The following EYS variants were observed in gnomAD, a reference collection of about 807,000 sequenced individuals.
The protein encoded by EYS is EGF-like photoreceptor maintenance factor.
Under a neutral mutation model 282.1 loss-of-function variants are expected in EYS, and 250 were observed. That is an observed-to-expected ratio of 0.89 (90% confidence interval 0.80 to 0.98). EYS has a LOEUF of 0.98. Ranked by LOEUF, EYS falls within the 50% of genes least tolerant of loss-of-function variation. The pLI, the probability that EYS is intolerant of heterozygous loss-of-function variation, is 0.00. For synonymous variants in EYS, 1,355 were observed against 1,282.9 expected (o/e 1.06, Z -1.20); for missense variants, 4,016 against 3,709.0 (o/e 1.08, Z -2.15).
intron 29 of EYS, among the ~76,000 whole-genome samples, chr6:64,375,329 T>C (rs187755062): frequency 2.1e-4 from 32 of 152,330 alleles, no homozygotes; most frequent in African/African-American, 7.7e-4. Flanking sequence ...TATATCGCAA[T>C]GCTGATTTGC....
At chr6:64,784,008 G>A (rs1286796048) in intron 22 of EYS, among the ~76,000 whole-genome samples, 1 of 152,036 alleles carries the variant, frequency 6.6e-6, no homozygotes, top group African/African-American at 2.4e-5. Context: ...GTATGTTCAT[G>A]ACCTTACAGA....
intron 41 of EYS, among the ~76,000 whole-genome samples, chr6:63,731,195 T>TTA (rs1768772672): frequency 6.6e-6 from 1 of 152,142 alleles, no homozygotes; most frequent in South Asian, 2.1e-4. Flanking sequence ...CAGAATATCC[T>TTA]TATATATATC....
chr6:64,726,531 T>C (rs1274144496), intron 22 of EYS, among the ~76,000 whole-genome samples: 1 of 152,180 alleles, frequency 6.6e-6, no homozygotes, highest in Non-Finnish European at 1.5e-5. Flanking sequence ...TCTGTCATGG[T>C]ATATTTCTAC....
At position 65,495,270 on chromosome 6, in the gene EYS, T is replaced by A. The variant is rs267601099; in HGVS notation, c.141A>T (p.Glu47Asp). The A allele has an allele frequency of 1.2e-6, 2 of 1,614,142 alleles. No homozygotes were observed. The highest frequency in any genetic ancestry group is 4.5e-5 in the East Asian group (2 of 44,866). ...SSYVVNWTLT[E>D]NICLDFYRDC... ...CTCTGTAGAAGTCCAAGCAGATGTT[T>A]TCTGTTAGTGTCCAATTTACCACAT... is the stretch of plus-strand genomic sequence containing the variant. Residue 47 changes from glutamate (E) to aspartate (D), a missense_variant, in exon 4 of 43, where the codon GAA becomes GAT. Glu to Asp is a conservative substitution (Grantham distance 45). Coordinates refer to ENST00000503581, the MANE Select transcript of EYS (RefSeq NM_001142800.2).
chr6:63,997,867 A>G (rs1767904993), intron 34 of EYS, among the ~76,000 whole-genome samples: 1 of 152,222 alleles, frequency 6.6e-6, no homozygotes, highest in Non-Finnish European at 1.5e-5. Context: ...TTCAATATAA[A>G]AAATGGGCAA....
At chr6:65,336,665 GAT>G (rs1770000764) in intron 10 of EYS, among the ~76,000 whole-genome samples, 1 of 151,490 alleles carries the variant, frequency 6.6e-6, no homozygotes, top group African/African-American at 2.4e-5. Flanking sequence ...CCTTTGAACT[GAT>G]AGTAAAGCTT....
At chr6:64,664,035 C>G (rs1479788273) in intron 22 of EYS, among the ~76,000 whole-genome samples, 5 of 152,296 alleles carry the variant, frequency 3.3e-5, no homozygotes, top group Admixed American at 2.0e-4. Flanking sequence ...ACACCCTGCC[C>G]GATCTGGAGG....
intron 19 of EYS, among the ~76,000 whole-genome samples, chr6:64,873,987 T>A (rs1245316292): frequency 6.6e-6 from 1 of 152,030 alleles, no homozygotes; most frequent in Non-Finnish European, 1.5e-5. Flanking sequence ...TTTTCCCCAT[T>A]AAAAGCCACA....
intron 5 of EYS, among the ~76,000 whole-genome samples, chr6:65,456,860 G>T (rs905759673): frequency 2.0e-5 from 3 of 152,164 alleles, no homozygotes; most frequent in Admixed American, 6.5e-5. Flanking sequence ...TAGAAAGGAG[G>T]AAGTCAAACT....
At chr6:65,317,504 T>C (rs1413111593) in intron 11 of EYS, among the ~76,000 whole-genome samples, 1 of 152,238 alleles carries the variant, frequency 6.6e-6, no homozygotes, top group African/African-American at 2.4e-5. Context: ...ATGTCTTTGA[T>C]TCTGTTATCT....
At chr6:64,397,488 A>T (rs1279783068) in intron 28 of EYS, among the ~76,000 whole-genome samples, 1 of 151,998 alleles carries the variant, frequency 6.6e-6, no homozygotes, top group Non-Finnish European at 1.5e-5. Flanking sequence ...GTTGATATAA[A>T]TTATCTATGA....
intron 12 of EYS, among the ~76,000 whole-genome samples, chr6:65,182,870 C>G (rs183686290): frequency 2.6e-5 from 4 of 151,908 alleles, no homozygotes; most frequent in African/African-American, 9.7e-5. Context: ...CTCACCGCAT[C>G]CTTGACCTCT....
At chr6:64,944,157 G>A (rs1769193535) in intron 15 of EYS, among the ~76,000 whole-genome samples, 1 of 152,062 alleles carries the variant, frequency 6.6e-6, no homozygotes, top group Admixed American at 6.6e-5. Flanking sequence ...GGGAAAATTG[G>A]CTGTCCATAT....
At chr6:64,661,860 T>C (rs1460494680) in intron 22 of EYS, among the ~76,000 whole-genome samples, 1 of 139,100 alleles carries the variant, frequency 7.2e-6, no homozygotes, top group Non-Finnish European at 1.5e-5. Flanking sequence ...AAATACCATT[T>C]GACCCAGCCA....
At chr6:64,650,400 G>A (rs1768515879) in intron 22 of EYS, among the ~76,000 whole-genome samples, 1 of 151,872 alleles carries the variant, frequency 6.6e-6, no homozygotes, top group Non-Finnish European at 1.5e-5. Flanking sequence ...TGAACAATGA[G>A]TAGAAAACTT....
intron 2 of EYS, among the ~76,000 whole-genome samples, chr6:65,555,444 A>G (rs1768762888): frequency 6.6e-6 from 1 of 152,060 alleles, no homozygotes; most frequent in South Asian, 2.1e-4. Flanking sequence ...TTTTCACTAT[A>G]TATTAGTTCA....
At chr6:63,932,370 C>A (rs1273669170) in intron 35 of EYS, among the ~76,000 whole-genome samples, 1 of 152,138 alleles carries the variant, frequency 6.6e-6, no homozygotes. Context: ...TTTTGGATAT[C>A]CCCATTTGGA....
intron 31 of EYS, among the ~76,000 whole-genome samples, chr6:64,217,373 A>G (rs1301069224): frequency 6.6e-6 from 1 of 152,138 alleles, no homozygotes; most frequent in Admixed American, 6.6e-5. Flanking sequence ...TACTAAAAAT[A>G]CAAAAATTAG....
At chr6:65,641,452 A>C (rs6925080) in intron 1 of EYS, among the ~76,000 whole-genome samples, 32,381 of 152,122 alleles carry the variant, frequency 0.21, 3,862 homozygotes, top group African/African-American at 0.34. Flanking sequence ...GGCAAGTTCT[A>C]ATTTGTCCAC....
Sources: allele counts gnomAD v4.1 joint callset (sites outside exome capture counted in the v4.1 genomes callset), GRCh38; gene constraint gnomAD v4.1.1; transcripts MANE v1.5; gene names NCBI Gene and HGNC (gene_info 2026-07-23, HGNC 2026-07-21).